Variants in PRR12 observed in about 807,000 individuals in gnomAD.
The protein encoded by PRR12 is proline rich 12.
A neutral mutation model predicts 138.0 loss-of-function variants in PRR12; 12 were observed. The ratio of observed to expected loss-of-function variants is 0.09; its 90% confidence interval spans 0.06 to 0.14. The LOEUF (loss-of-function observed/expected upper bound fraction) is 0.14. Among genes scored for constraint, PRR12 ranks in the 10% least tolerant of loss-of-function variants. The pLI, the probability that PRR12 is intolerant of heterozygous loss-of-function variation, is 1.00. For synonymous variants in PRR12, 1,567 were observed against 1,291.7 expected, an observed-to-expected ratio of 1.21 and a Z score of -4.57; for missense variants, 2,692 against 2,861.3, an observed-to-expected ratio of 0.94 and a Z score of 1.35.
At chr19:49,608,512 A>T (rs2080849595) in intron 6 of PRR12, among the ~76,000 whole-genome samples, 1 of 152,048 alleles carries the variant, frequency 6.6e-6, no homozygotes, top group Non-Finnish European at 1.5e-5. Flanking sequence ...CGCAGACTAC[A>T]GGCAAGTGCC....
chr19:49,591,785 AGCCCAGCCGGGCCGGGCCGG>A lies in PRR12; in HGVS notation c.86+49_86+68del, dbSNP rs1448594686. On this transcript the variant is annotated intron_variant, in intron 1 of 13. Coordinates refer to ENST00000418929, the MANE Select transcript of PRR12 (RefSeq NM_020719.3). ...CTAGAGAAGGGGGCCAAGGGGTGGG[AGCCCAGCCGGGCCGGGCCGG>A]GCCGGGCCGGGCCCGCCCGGCGACG... 2.4e-6 allele frequency: 3 copies of A among 1,251,166 alleles called. No individual in the cohort carries two copies. The East Asian group carries it at 9.6e-5, about 40-fold the overall frequency. 77.5% of individuals were successfully genotyped at this position (1,251,166 alleles called of 1,614,324 possible). A position where few individuals can be genotyped will look rare whatever the true frequency, so the allele number is the denominator to read the frequency against.
chr19:49,617,205 G>C (rs957369639), intron 9 of PRR12, among the ~76,000 whole-genome samples: 1 of 151,890 alleles, frequency 6.6e-6, no homozygotes, highest in Non-Finnish European at 1.5e-5. Flanking sequence ...CATATGTACA[G>C]TAAGGGTAAC....
chr19:49,599,981 A>G lies in PRR12; in HGVS notation c.4345+43A>G, dbSNP rs761223892. ...GGTCTGGGAGTAGAGCTTAAAGGTT[A>G]TTATGATCACTAGGTAACAGTTGTG... On this transcript the variant is annotated intron_variant, in intron 5 of 13. Transcript: ENST00000418929. The surrounding 1 kb of genome is among the most constrained non-coding windows in gnomAD (Gnocchi z 5.0). 4 of 1,513,016 alleles carry G rather than the reference A, an allele frequency of 2.6e-6. No individual in the cohort carries two copies. The highest frequency in any genetic ancestry group is 2.7e-6 in the Non-Finnish European group (3 of 1,124,040). The allele number at this position is 1,513,016 out of a possible 1,614,324, so 93.7% of individuals were successfully genotyped here.
chr19:49,597,656 G>A lies in PRR12; in HGVS notation c.3321G>A (p.Lys1107=), dbSNP rs1196488304. 6.2e-7 allele frequency: 1 copy of A among 1,606,888 alleles called. No homozygotes were observed. The highest frequency in any genetic ancestry group is 8.5e-7 in the Non-Finnish European group (1 of 1,177,672). ...ACGAGTTCGAGGCGGACGAGGACAA[G>A]GCCGATGTTCCCGCCGACATCCGCC... ...QEYEFEADED[K]ADVPADIRLN... The change falls in exon 4 of 14, where the codon AAG becomes AAA. Residue 1107 remains lysine (K), a synonymous_variant. Transcript: ENST00000418929. The surrounding 1 kb of genome is among the most constrained non-coding windows in gnomAD (Gnocchi z 6.3).
At chr19:49,600,104 G>C (rs535899695) in intron 5 of PRR12, among the ~76,000 whole-genome samples, 166 bp downstream of exon 5, 2 of 152,324 alleles carry the variant, frequency 1.3e-5, no homozygotes, top group East Asian at 3.9e-4. Flanking sequence ...TTTTGAGGAA[G>C]GTCTATCTTT....
chr19:49,601,541 A>G lies in PRR12; in HGVS notation c.4396A>G (p.Thr1466Ala), dbSNP rs1278324542. Residue 1466 changes from threonine to alanine, a missense_variant, in exon 6 of 14, where the codon ACT becomes GCT. Thr to Ala is a moderately conservative substitution (Grantham distance 58, BLOSUM62 0). This residue lies in a region of PRR12 where 231 missense variants were observed against 200.8 expected (regional missense o/e 1.15). Transcript: ENST00000418929. ...KPPPTPPPAP[T>A]PQPQPPPPPP... ...CCCACCCACTCCACCTCCTGCCCCG[A>G]CTCCTCAGCCTCAGCCTCCGCCACC... is the stretch of plus-strand genomic sequence containing the variant. The G allele has an allele frequency of 1.6e-5, 23 of 1,476,792 alleles. No homozygotes were observed. The highest frequency in any genetic ancestry group is 1.8e-4 in the Middle Eastern group (1 of 5,682). The allele number at this position is 1,476,792 out of a possible 1,614,324, so 91.5% of individuals were successfully genotyped here.
At chr19:49,611,397 G>T (rs2080865130) in intron 6 of PRR12, among the ~76,000 whole-genome samples, 1 of 151,950 alleles carries the variant, frequency 6.6e-6, no homozygotes, top group African/African-American at 2.4e-5. Flanking sequence ...AGCACTTTGG[G>T]AGGCCGAGGC....
At chr19:49,619,851 CTTTTTTTTTTTTT>C (rs55707507) in intron 9 of PRR12, among the ~76,000 whole-genome samples, 624 of 54,024 alleles carry the variant, frequency 0.012, 30 homozygotes, top group African/African-American at 0.051. Flanking sequence ...CAATGCCTGG[CTTTTTTTTTTTTT>C]TTTTTTTTTT....
At position 49,594,968 on chromosome 19, in the gene PRR12, C is replaced by T. The variant is rs776120601; in HGVS notation, c.633C>T (p.Gly211=). 3.6e-5 allele frequency: 57 copies of T among 1,599,282 alleles called. No individual in the cohort carries two copies. Among genetic ancestry groups the T allele is most frequent in the Middle Eastern group, 1.7e-4 (1 of 6,046 alleles). ...TGGGCTTCGAGCGCCTGGCAGGGGG[C>T]GGTGTCTTGGGGCCAGCTGGTCTCG... The part of the protein sequence containing the change: ...SSLGFERLAG[G]GVLGPAGLGP... Residue 211 remains glycine (G), a synonymous_variant, in exon 4 of 14, where the codon GGC becomes GGT. Transcript: ENST00000418929. The surrounding 1 kb of genome is among the most constrained non-coding windows in gnomAD (Gnocchi z 5.6).
At chr19:49,608,199 G>A (rs545526929) in intron 6 of PRR12, among the ~76,000 whole-genome samples, 3 of 152,030 alleles carry the variant, frequency 2.0e-5, no homozygotes, top group East Asian at 3.9e-4. Flanking sequence ...TGCTCTAGCC[G>A]ACATGTCACC....
Position 49,596,724 on chromosome 19 carries a change from C to T in PRR12, c.2389C>T (p.Pro797Ser). 1 of 1,605,400 alleles carries T rather than the reference C, an allele frequency of 6.2e-7. No homozygotes were observed. The highest frequency in any genetic ancestry group is 2.2e-5 in the East Asian group (1 of 44,832). ...TGACCTCCCACTGGTGCTGCCTCCGCCTCCCCCCCAGCTGCTCCCCTCGGT... is the reference window on the plus strand; with the variant it reads ...TGACCTCCCACTGGTGCTGCCTCCGTCTCCCCCCCAGCTGCTCCCCTCGGT... ...GPDLPLVLPP[P>S]PPQLLPSVLS... Residue 797 changes from proline to serine, a missense_variant, in exon 4 of 14, where the codon CCT becomes TCT. By Grantham distance (74) the Pro-to-Ser change is moderately conservative. Around this residue, in one of 11 missense-constraint regions of PRR12, gnomAD observed 840 missense variants for 689.8 expected, o/e 1.22. Transcript: ENST00000418929. This position sits in a 1 kb window ranked among gnomAD's most constrained non-coding sequence, Gnocchi z 5.6.
intron 6 of PRR12, among the ~76,000 whole-genome samples, chr19:49,605,753 A>C (rs1413040523): frequency 6.6e-6 from 1 of 152,244 alleles, no homozygotes; most frequent in African/African-American, 2.4e-5. Flanking sequence ...CTGGGATTGG[A>C]GCCAGGGCCA....
At position 49,596,802 on chromosome 19, in the gene PRR12, C is replaced by G; in HGVS notation, c.2467C>G (p.Leu823Val). 1 of 1,600,514 alleles carries G rather than the reference C, an allele frequency of 6.2e-7. No homozygotes were observed. Among genetic ancestry groups the G allele is most frequent in the Non-Finnish European group, 8.5e-7 (1 of 1,179,174 alleles). The change falls in exon 4 of 14, where the codon CTC becomes GTC. Residue 823 changes from leucine to valine, a missense_variant. Physicochemically the swap from Leu to Val is conservative, Grantham distance 32. This residue lies in a region of PRR12 where 840 missense variants were observed against 689.8 expected (regional missense o/e 1.22). Coordinates refer to ENST00000418929, the MANE Select transcript of PRR12 (RefSeq NM_020719.3). This position sits in a 1 kb window ranked among gnomAD's most constrained non-coding sequence, Gnocchi z 5.6. ...CAGCGCCTCCAAAGTCGGCGTCCAC[C>G]TCCTTGAGCCAGCCACCCGCGATGG... is the stretch of plus-strand genomic sequence containing the variant. ...SPSASKVGVHLLEPATRDGAP... is the reference protein window; with the variant it reads ...SPSASKVGVHVLEPATRDGAP...
At position 49,595,822 on chromosome 19, in the gene PRR12, G is replaced by A. The variant is rs1336856705; in HGVS notation, c.1487G>A (p.Ser496Asn). 15 of 1,598,674 alleles carry A rather than the reference G, an allele frequency of 9.4e-6. No individual in the cohort carries two copies. The highest frequency in any genetic ancestry group is 1.2e-5 in the Non-Finnish European group (14 of 1,176,282). ...CCTCCTGGCCTGGCCACATGTCAGAGCTACTCCCCGGACCAGCTGCAGGGG... is the reference window on the plus strand; with the variant it reads ...CCTCCTGGCCTGGCCACATGTCAGAACTACTCCCCGGACCAGCTGCAGGGG... Reference protein sequence around the residue: ...PPPPGLATCQSYSPDQLQGQL... With the variant: ...PPPPGLATCQNYSPDQLQGQL... Residue 496 changes from serine to asparagine, a missense_variant, in exon 4 of 14, where the codon AGC (serine) becomes AAC (asparagine). By Grantham distance (46) the Ser-to-Asn change is conservative. Around this residue, in one of 11 missense-constraint regions of PRR12, gnomAD observed 523 missense variants for 496.4 expected, o/e 1.05. Transcript: ENST00000418929.
chr19:49,617,013 C>T (rs958361208), intron 9 of PRR12, among the ~76,000 whole-genome samples: 1 of 151,774 alleles, frequency 6.6e-6, no homozygotes, highest in Non-Finnish European at 1.5e-5. Flanking sequence ...GCCTGTAATC[C>T]CAGCTACTCA....
At position 49,614,690 on chromosome 19, in the gene PRR12, G is replaced by T. The variant is rs1220137953; in HGVS notation, c.4890+41G>T. Reference sequence around the variant, plus strand: ...GGACCAAGGACTTGGGGGCCCCGGGGCGTGGTATCTAGGAGCTGGGGTTCC... The same window carrying T: ...GGACCAAGGACTTGGGGGCCCCGGGTCGTGGTATCTAGGAGCTGGGGTTCC... On this transcript the variant is annotated intron_variant, in intron 7 of 13. Transcript: ENST00000418929. The surrounding 1 kb of genome is among the most constrained non-coding windows in gnomAD (Gnocchi z 5.0). 2 of 1,523,930 alleles carry T rather than the reference G, an allele frequency of 1.3e-6. No homozygotes were observed. The highest frequency in any genetic ancestry group is 1.4e-5 in the African/African-American group (1 of 72,410). 94.4% of individuals were successfully genotyped at this position (1,523,930 alleles called of 1,614,324 possible). A position where few individuals can be genotyped will look rare whatever the true frequency, so the allele number is the denominator to read the frequency against.
chr19:49,593,619 C>G (rs1393315136), intron 2 of PRR12, among the ~76,000 whole-genome samples, 180 bp downstream of exon 2: 1 of 152,088 alleles, frequency 6.6e-6, no homozygotes, highest in Non-Finnish European at 1.5e-5. Flanking sequence ...CATTTCTCGC[C>G]GGATTCGTCC....
chr19:49,596,849 GCCACCCCCGCCTCCACCA>G lies in PRR12; in HGVS notation c.2517_2534del (p.Pro840_Pro845del), dbSNP rs2080774085. 3.2e-6 allele frequency: 2 copies of G among 631,832 alleles called. No individual in the cohort carries two copies. Among genetic ancestry groups the G allele is most frequent in the East Asian group, 1.1e-4 (2 of 18,340 alleles). 39.1% of individuals were successfully genotyped at this position (631,832 alleles called of 1,614,324 possible). A position where few individuals can be genotyped will look rare whatever the true frequency, so the allele number is the denominator to read the frequency against. On this transcript the variant is annotated inframe_deletion, in exon 4 of 14. Coordinates refer to ENST00000418929, the MANE Select transcript of PRR12 (RefSeq NM_020719.3). This position sits in a 1 kb window ranked among gnomAD's most constrained non-coding sequence, Gnocchi z 5.6. ...ATGGGGCACCCCAGCCACCTCCACC[GCCACCCCCGCCTCCACCA>G]CCCATGCCCCTGCAGCTCGAGGCCC...
At chr19:49,605,321 G>T (rs1568426772) in intron 6 of PRR12, among the ~76,000 whole-genome samples, 1 of 151,936 alleles carries the variant, frequency 6.6e-6, no homozygotes. Context: ...GGAGTACAAT[G>T]GTGCGATCTC....
Sources: gnomAD v4.1 joint callset for allele counts (sites outside exome capture counted in the v4.1 genomes callset) on GRCh38, gnomAD v4.1.1 for gene constraint, gnomAD v4.1.1 regional missense constraint, Gnocchi (gnomAD v3.1) non-coding constraint, MANE v1.5 for transcripts, NCBI Gene and HGNC (gene_info 2026-07-23, HGNC 2026-07-21) for gene names.